PRKCH: variants seen among roughly 807,000 people sequenced by gnomAD.
PRKCH encodes protein kinase C eta type.
PRKCH carries 28 observed loss-of-function variants against 82.5 expected under a neutral mutation model. The ratio of observed to expected loss-of-function variants is 0.34; its 90% CI spans 0.25 to 0.47. PRKCH has a LOEUF of 0.47. PRKCH is among the 20% of genes least tolerant of loss of function. The pLI is 1.00. For missense variants in PRKCH, 705 were observed against 881.8 expected (o/e 0.80, Z 2.54); for synonymous variants, 322 against 327.4 (o/e 0.98, Z 0.18).
intron 10 of PRKCH, among the ~76,000 whole-genome samples, chr14:61,526,200 A>G (rs1173063393): frequency 6.6e-6 from 1 of 152,186 alleles, no homozygotes; most frequent in Non-Finnish European, 1.5e-5. Context: ...AGCTTCCACA[A>G]ATCAGCCCAC....
intron 1 of PRKCH, among the ~76,000 whole-genome samples, chr14:61,387,485 T>C (rs1403917125): frequency 6.6e-6 from 1 of 152,168 alleles, no homozygotes; most frequent in African/African-American, 2.4e-5. Flanking sequence ...GAAACTAAGG[T>C]AAATGAGTGG....
chr14:61,425,749 G>A lies in PRKCH; in HGVS notation c.428-17362G>A, dbSNP rs576768377. Among the ~76,000 whole-genome samples, 3 of 152,328 alleles carry A rather than the reference G, an allele frequency of 2.0e-5. No homozygotes were observed. The South Asian group carries it at 6.2e-4, about 32-fold the overall frequency. ...TGAGATTTGGGAAGGGCCAGGGCTG[G>A]AATGATGTGGTTAGGCTTTGTGTCC... On this transcript the variant is annotated intron_variant, in intron 2 of 13. Coordinates refer to ENST00000332981, the MANE Select transcript of PRKCH (RefSeq NM_006255.5).
chr14:61,283,303 A>C (rs990446017), intron 1 of PRKCH, among the ~76,000 whole-genome samples: 4 of 152,182 alleles, frequency 2.6e-5, no homozygotes, highest in Admixed American at 6.5e-5. Flanking sequence ...TAGTTTATTC[A>C]TTCCACTAAT....
At chr14:61,312,132 G>A (rs999180426) in intron 1 of PRKCH, among the ~76,000 whole-genome samples, 10 of 152,126 alleles carry the variant, frequency 6.6e-5, no homozygotes, top group Admixed American at 3.9e-4. Context: ...ACTACATAGT[G>A]GGATTTTATT....
chr14:61,455,076 C>T (rs561893733), intron 7 of PRKCH, among the ~76,000 whole-genome samples: 5 of 151,504 alleles, frequency 3.3e-5, no homozygotes, highest in African/African-American at 1.2e-4. Context: ...GTCGCCCAGG[C>T]TGGAGTGCAG....
intron 1 of PRKCH, among the ~76,000 whole-genome samples, chr14:61,354,774 T>C (rs1013435509): frequency 6.6e-6 from 1 of 152,222 alleles, no homozygotes; most frequent in African/African-American, 2.4e-5. Flanking sequence ...TTTCTTCTCA[T>C]TTAGTCACAG....
chr14:61,279,982 G>A (rs149091319), intron 1 of PRKCH: 4 of 943,350 alleles, frequency 4.2e-6, no homozygotes, highest in South Asian at 3.5e-5. Context: ...ATTCACAAAG[G>A]GAGGAAAAGC....
chr14:61,457,196 C>T lies in PRKCH; in HGVS notation c.981C>T (p.Thr327=), dbSNP rs766037778. The T allele has an allele frequency of 1.4e-5, 22 of 1,613,966 alleles. No homozygotes were observed. Among genetic ancestry groups the T allele is most frequent in the Non-Finnish European group, 1.7e-5 (20 of 1,179,988 alleles). ...TTCAGAAACTCGTTTCCAGATCGAC[C>T]CTAAGACGACAGGGAAAGGAGAGCA... ...SPTSKLVSRS[T]LRRQGKESSK... Residue 327 remains threonine, a synonymous_variant, in exon 8 of 14, where the codon ACC becomes ACT. Coordinates refer to ENST00000332981, the MANE Select transcript of PRKCH (RefSeq NM_006255.5).
intron 1 of PRKCH, among the ~76,000 whole-genome samples, chr14:61,255,604 C>A (rs2140076052): frequency 6.6e-6 from 1 of 152,250 alleles, no homozygotes; most frequent in Middle Eastern, 3.4e-3. Context: ...AGCATTTCCA[C>A]CCCACCTTTC....
At chr14:61,484,630 C>T (rs550721185) in intron 9 of PRKCH, among the ~76,000 whole-genome samples, 2 of 152,064 alleles carry the variant, frequency 1.3e-5, no homozygotes, top group Non-Finnish European at 2.9e-5. Context: ...CCACTTTTAC[C>T]TGCTAGGTTG....
At chr14:61,503,963 C>G (rs1347536806) in intron 10 of PRKCH, among the ~76,000 whole-genome samples, 1 of 152,078 alleles carries the variant, frequency 6.6e-6, no homozygotes, top group Non-Finnish European at 1.5e-5. Flanking sequence ...AGAATTAATT[C>G]TCAAGATAAA....
At position 61,273,653 on chromosome 14, in the gene PRKCH, T is replaced by C. The variant is rs147384163; in HGVS notation, c.-19+85985T>C. 2.5e-3 allele frequency among the ~76,000 whole-genome samples: 385 copies of C among 152,338 alleles called. 1 individual carries two copies. Among genetic ancestry groups the C allele is most frequent in the African/African-American group, 8.0e-3 (333 of 41,582 alleles). On this transcript the variant is annotated intron_variant, in intron 1 of 3. Transcript: ENST00000555185. ...AATTAGTTTATGGAGGAAAACCTGA[T>C]TGTACGTTTAAGTTATCCAGATGGG...
intron 2 of PRKCH, among the ~76,000 whole-genome samples, chr14:61,410,337 G>C (rs931800536): frequency 6.6e-6 from 1 of 152,114 alleles, no homozygotes; most frequent in South Asian, 2.1e-4. Flanking sequence ...CATGTGAAAT[G>C]GGAGCATGTG....
chr14:61,430,815 C>G (rs987172156), intron 2 of PRKCH, among the ~76,000 whole-genome samples: 2 of 150,606 alleles, frequency 1.3e-5, no homozygotes, highest in Non-Finnish European at 1.5e-5. Context: ...AATGCGGTGT[C>G]GTGATCTCAG....
intron 4 of PRKCH, 125 bp downstream of exon 4, chr14:61,445,851 AACCCCTGTGTAGAT>A: frequency 1.0e-6 from 1 of 1,004,632 alleles, no homozygotes; most frequent in East Asian, 2.4e-5. Flanking sequence ...GGTCAAAGGA[AACCCCTGTGTAGAT>A]ACAACTCTTT....
At chr14:61,465,609 A>G (rs1459853432) in intron 9 of PRKCH, among the ~76,000 whole-genome samples, 2 of 152,158 alleles carry the variant, frequency 1.3e-5, no homozygotes, top group Admixed American at 6.5e-5. Flanking sequence ...CAGTACCATA[A>G]TGTTTTGATT....
intron 9 of PRKCH, among the ~76,000 whole-genome samples, chr14:61,460,492 G>A (rs1459945437): frequency 6.6e-6 from 1 of 152,172 alleles, no homozygotes; most frequent in Non-Finnish European, 1.5e-5. Flanking sequence ...GATAGTGAAC[G>A]TTTTATTGTC....
chr14:61,448,717 A>G lies in PRKCH; in HGVS notation c.614-447A>G, dbSNP rs564289037. ...CATCGATAGTTTGTTGGAAGGGTCC[A>G]GGAAGAGCAACCCATGTAGTTTTTA... On this transcript the variant is annotated intron_variant, in intron 4 of 13. Coordinates refer to ENST00000332981, the MANE Select transcript of PRKCH (RefSeq NM_006255.5). Among the ~76,000 whole-genome samples the G allele has an allele frequency of 3.3e-5, 5 of 152,354 alleles. No homozygotes were observed. In the South Asian group the frequency reaches 1.0e-3, roughly 32 times the overall value.
chr14:61,481,306 T>A (rs1686969800), intron 9 of PRKCH, among the ~76,000 whole-genome samples: 1 of 152,144 alleles, frequency 6.6e-6, no homozygotes, highest in Admixed American at 6.5e-5. Context: ...CGCACCAGGC[T>A]CCAAGTGGAG....
Sources: gnomAD v4.1 joint callset for allele counts (sites outside exome capture counted in the v4.1 genomes callset) on GRCh38, gnomAD v4.1.1 for gene constraint, MANE v1.5 for transcripts, NCBI Gene and HGNC (gene_info 2026-07-23, HGNC 2026-07-21) for gene names.